VLDLR: variants seen among roughly 807,000 people sequenced by gnomAD.
The protein encoded by VLDLR is very low density lipoprotein receptor.
In VLDLR, 81 loss-of-function variants were observed where a neutral mutation model predicts 112.7. The ratio of observed to expected loss-of-function variants is 0.72; its 90% CI spans 0.60 to 0.86. The LOEUF is 0.86. Ranked by LOEUF, VLDLR falls within the 40% of genes least tolerant of loss-of-function variation. The pLI is 0.00. For synonymous variants in VLDLR, 436 were observed against 384.8 expected (o/e 1.13, Z -1.56); for missense variants, 1,237 against 1,099.4 (o/e 1.13, Z -1.77).
rs887003823 is a variant in VLDLR, at chr9:2,656,767, C to T, written c.*2899C>T. 1.3e-5 allele frequency: 2 copies of T among 151,702 alleles called. No individual in the cohort carries two copies. Among genetic ancestry groups the T allele is most frequent in the African/African-American group, 2.4e-5 (1 of 41,320 alleles). 9.4% of individuals were successfully genotyped at this position (151,702 alleles called of 1,614,324 possible). ...ATAGATGAATAAACAGATTTGTGGC[C>T]TCTGGTAAAGAAATCCAGCCAAGTT... On this transcript the variant is annotated 3_prime_UTR_variant, in exon 19 of 19. Transcript: ENST00000382100.
chr9:2,650,035 T>G (rs1238371261), intron 14 of VLDLR, among the ~76,000 whole-genome samples: 1 of 152,224 alleles, frequency 6.6e-6, no homozygotes. Context: ...CCTAGTCTCC[T>G]TTCTCTGAGC....
At chr9:2,623,498 G>A (rs907581464) in intron 1 of VLDLR, among the ~76,000 whole-genome samples, 1 of 152,228 alleles carries the variant, frequency 6.6e-6, no homozygotes, top group Non-Finnish European at 1.5e-5. Context: ...ACGTGCTCCT[G>A]AAGTGAGAGC....
At chr9:2,638,741 C>G (rs1817704072) in intron 2 of VLDLR, among the ~76,000 whole-genome samples, 2 of 152,114 alleles carry the variant, frequency 1.3e-5, no homozygotes, top group African/African-American at 4.8e-5. Context: ...CATGGTAACC[C>G]TAAGTATAGG....
intron 17 of VLDLR, among the ~76,000 whole-genome samples, chr9:2,652,259 G>C (rs1286941904): frequency 1.3e-5 from 2 of 152,128 alleles, no homozygotes; most frequent in Non-Finnish European, 2.9e-5. Context: ...GTACTGTTCT[G>C]TTCCCCCTTT....
chr9:2,638,006 C>T (rs983313877), intron 2 of VLDLR, among the ~76,000 whole-genome samples: 2 of 152,130 alleles, frequency 1.3e-5, no homozygotes, highest in Non-Finnish European at 2.9e-5. Context: ...CTCTTTACAG[C>T]CATTCCGCTA....
At position 2,622,205 on chromosome 9, in the gene VLDLR, C is replaced by G. The variant is rs1250322516; in HGVS notation, c.16C>G (p.Leu6Val). MGTSA[L>V]WALWLLLALC... ...GGCGGGCACCATGGGCACGTCCGCG[C>G]TCTGGGCGCTCTGGCTGCTGCTCGC... The change falls in exon 1 of 19, where the codon CTC becomes GTC. Residue 6 changes from leucine to valine, a missense_variant. Transcript: ENST00000382100. The G allele has an allele frequency of 1.3e-6, 2 of 1,500,792 alleles. No homozygotes were observed. The highest frequency in any genetic ancestry group is 1.4e-5 in the African/African-American group (1 of 69,388). 93.0% of individuals were successfully genotyped at this position (1,500,792 alleles called of 1,614,324 possible). A position where few individuals can be genotyped will look rare whatever the true frequency, so the allele number is the denominator to read the frequency against.
intron 17 of VLDLR, 116 bp from the exon 18 acceptor site, chr9:2,652,664 A>G (rs2130810307): frequency 7.1e-7 from 1 of 1,411,310 alleles, no homozygotes; most frequent in East Asian, 2.4e-5. Flanking sequence ...TCCTAGCTCC[A>G]TAAAACATGG....
intron 11 of VLDLR, 106 bp downstream of exon 11, chr9:2,646,658 T>C: frequency 9.1e-7 from 1 of 1,093,330 alleles, no homozygotes; most frequent in Non-Finnish European, 1.4e-6. Context: ...ATGAGCCTTC[T>C]GCAACAAAGA....
Position 2,623,028 on chromosome 9 carries a change from G to C in VLDLR, c.82+757G>C, listed in dbSNP as rs555363900. ...GAACGCGGAGGGGGAGTGGAGGGGA[G>C]ACTTAATCAGGTTAGTTTGCTGACC... On this transcript the variant is annotated intron_variant, in intron 1 of 18. Coordinates refer to ENST00000382100, the MANE Select transcript of VLDLR (RefSeq NM_003383.5). 1.4e-3 allele frequency among the ~76,000 whole-genome samples: 214 copies of C among 152,364 alleles called. 1 individual carries two copies. The highest frequency in any genetic ancestry group is 4.8e-3 in the African/African-American group (199 of 41,602).
chr9:2,646,626 T>G, intron 11 of VLDLR, 74 bp downstream of exon 11: 3 of 1,347,206 alleles, frequency 2.2e-6, no homozygotes, highest in Non-Finnish European at 3.2e-6. Context: ...ATACCTGAAT[T>G]AGTACTCAAA....
chr9:2,637,899 C>T (rs555873325), intron 2 of VLDLR, among the ~76,000 whole-genome samples: 15 of 152,052 alleles, frequency 9.9e-5, no homozygotes, highest in East Asian at 1.9e-4. Context: ...GCCAAGACCA[C>T]GCCACTGCAC....
rs1305944931 is a variant in VLDLR at position 2,622,274 on chromosome 9, G to A, written c.82+3G>A. 2 of 1,482,548 alleles carry A rather than the reference G, an allele frequency of 1.3e-6. No individual in the cohort carries two copies. Among genetic ancestry groups the A allele is most frequent in the Admixed American group, 2.2e-5 (1 of 44,744 alleles). 91.8% of individuals were successfully genotyped at this position (1,482,548 alleles called of 1,614,324 possible). ...GGAGAGCGGCGCCACCGGAACCGGT[G>A]AGTGAGGACGCGCCCCTCCGCCGGC... is the stretch of plus-strand genomic sequence containing the variant. On this transcript the variant is annotated splice_donor_region_variant and intron_variant, in intron 1 of 18. Coordinates refer to ENST00000382100, the MANE Select transcript of VLDLR (RefSeq NM_003383.5).
At position 2,650,353 on chromosome 9, in the gene VLDLR, T is replaced by C; in HGVS notation, c.2105-17T>C. 1 of 1,611,364 alleles carries C rather than the reference T, an allele frequency of 6.2e-7. No homozygotes were observed. Reference sequence around the variant, plus strand: ...CACCGGAATACCCATTTTAATGGTATTTTTTTTCCTGACTAGGTAAAAATT... The same window carrying C: ...CACCGGAATACCCATTTTAATGGTACTTTTTTTCCTGACTAGGTAAAAATT... On this transcript the variant is annotated splice_polypyrimidine_tract_variant and intron_variant, in intron 14 of 18. Coordinates refer to ENST00000382100, the MANE Select transcript of VLDLR (RefSeq NM_003383.5).
chr9:2,640,486 C>G (rs1049415720), intron 3 of VLDLR, among the ~76,000 whole-genome samples: 1 of 152,142 alleles, frequency 6.6e-6, no homozygotes, highest in Non-Finnish European at 1.5e-5. Flanking sequence ...GGAGATCTTA[C>G]AGCATATTCT....
chr9:2,644,325 ATT>A (rs374242751), intron 7 of VLDLR, among the ~76,000 whole-genome samples: 9 of 122,942 alleles, frequency 7.3e-5, no homozygotes, highest in African/African-American at 1.6e-4. Context: ...CGCCCGGCTA[ATT>A]TTTTTTTTTT....
Position 2,646,454 on chromosome 9 carries a change from G to A in VLDLR, c.1605G>A (p.Lys535=). Residue 535 remains lysine, a synonymous_variant, in exon 11 of 19, where the codon AAG becomes AAA. Coordinates refer to ENST00000382100, the MANE Select transcript of VLDLR (RefSeq NM_003383.5). ...KTIYWTDAAS[K]TISVATLDGT... ...TCTACTGGACTGATGCGGCTTCTAA[G>A]ACTATTTCAGTAGCTACCCTAGATG... The A allele has an allele frequency of 6.2e-7, 1 of 1,614,136 alleles. No individual in the cohort carries two copies. The highest frequency in any genetic ancestry group is 1.1e-5 in the South Asian group (1 of 91,078).
intron 2 of VLDLR, 83 bp from the exon 3 acceptor site, chr9:2,639,776 C>T: frequency 4.4e-6 from 7 of 1,608,968 alleles, no homozygotes; most frequent in African/African-American, 4.0e-5. Flanking sequence ...CAAAACATGC[C>T]AAAATGCAGT....
intron 4 of VLDLR, 34 bp from the exon 5 acceptor site, chr9:2,643,126 T>C (rs753521084): frequency 6.2e-7 from 1 of 1,603,386 alleles, no homozygotes; most frequent in Non-Finnish European, 8.5e-7. Context: ...CCAATCTTGA[T>C]GCATTTTCAG....
intron 3 of VLDLR, among the ~76,000 whole-genome samples, chr9:2,641,110 A>C (rs1464630357): frequency 6.6e-6 from 1 of 152,168 alleles, no homozygotes; most frequent in Non-Finnish European, 1.5e-5. Context: ...CGCCAAGTAA[A>C]ACAAAAGCCA....
Sources: allele counts gnomAD v4.1 joint callset (sites outside exome capture counted in the v4.1 genomes callset), GRCh38; gene constraint gnomAD v4.1.1; transcripts MANE v1.5; gene names NCBI Gene and HGNC (gene_info 2026-07-23, HGNC 2026-07-21).